The following LONP2 variants were observed in gnomAD, a reference collection of about 807,000 sequenced individuals.
LONP2 encodes the protein lon peptidase 2, peroxisomal.
LONP2 carries 60 observed loss-of-function variants against 85.6 expected under a neutral mutation model. The ratio of observed to expected loss-of-function variants is 0.70; its 90% confidence interval spans 0.57 to 0.87. The LOEUF (loss-of-function observed/expected upper bound fraction) is 0.87, where lower values mean the gene tolerates loss of function less well. Ranked by LOEUF, LONP2 falls within the 40% of genes least tolerant of loss-of-function variation. The pLI is 0.00. For missense variants in LONP2, 860 were observed against 1,063.5 expected (o/e 0.81, Z 2.66); for synonymous variants, 395 against 389.7 (o/e 1.01, Z -0.16).
intron 13 of LONP2, 68 bp from the exon 14 acceptor site, chr16:48,348,030 CTT>C: frequency 7.4e-7 from 1 of 1,359,322 alleles, no homozygotes; most frequent in Non-Finnish European, 1.0e-6. Context: ...TTGTTTGTGA[CTT>C]TTTTTTTAGG....
At position 48,303,315 on chromosome 16, in the gene LONP2, C is replaced by T. The variant is rs1596965920; in HGVS notation, c.1795+10C>T. 13 of 1,610,698 alleles carry T rather than the reference C, an allele frequency of 8.1e-6. No homozygotes were observed. The highest frequency in any genetic ancestry group is 1.0e-5 in the Non-Finnish European group (12 of 1,177,184). ...GTGACTGAGAGAGAAGGTTGGTGACCTTGTTCTGGCATTCTCAGGCCTGGT... is the reference window on the plus strand; with the variant it reads ...GTGACTGAGAGAGAAGGTTGGTGACTTTGTTCTGGCATTCTCAGGCCTGGT... On this transcript the variant is annotated intron_variant, in intron 11 of 14. Transcript: ENST00000285737.
downstream of LONP2, chr16:48,360,723 G>T (rs1960549987): frequency 6.6e-6 from 1 of 152,470 alleles, no homozygotes. Context: ...ATCTGAAAAA[G>T]GAAACAAAAG....
At chr16:48,346,221 G>T (rs753483728) in intron 12 of LONP2, among the ~76,000 whole-genome samples, 17 of 152,002 alleles carry the variant, frequency 1.1e-4, no homozygotes, top group African/African-American at 3.9e-4. Context: ...TTAGTGAGAC[G>T]GTCAACTCTC....
chr16:48,285,970 C>A (rs755048273), intron 8 of LONP2, among the ~76,000 whole-genome samples: 1 of 152,114 alleles, frequency 6.6e-6, no homozygotes, highest in Admixed American at 6.5e-5. Context: ...CAGTCCCTGG[C>A]AGCTACCATT....
At chr16:48,315,984 T>A (rs34372140) in intron 11 of LONP2, among the ~76,000 whole-genome samples, 2 of 146,702 alleles carry the variant, frequency 1.4e-5, no homozygotes, top group Admixed American at 6.7e-5. Context: ...TTTTTTTTTT[T>A]ACTTTTAGAA....
At position 48,255,981 on chromosome 16, in the gene LONP2, CTGAT is replaced by C. The variant is rs574001536; in HGVS notation, c.469-626_469-623del. On this transcript the variant is annotated intron_variant, in intron 2 of 14. Transcript: ENST00000285737. ...ATACTAAATATTAATATTTCATCCT[CTGAT>C]TGGCCGTGATAATAGCATCAACTAT... is the stretch of plus-strand genomic sequence containing the variant. 8.3e-3 allele frequency among the ~76,000 whole-genome samples: 1,267 copies of C among 152,282 alleles called. 8 individuals carry two copies. The highest frequency in any genetic ancestry group is 0.011 in the Non-Finnish European group (748 of 68,010).
chr16:48,268,748 A>C (rs9928988), intron 6 of LONP2, among the ~76,000 whole-genome samples: 3 of 152,058 alleles, frequency 2.0e-5, no homozygotes, highest in Non-Finnish European at 4.4e-5. Flanking sequence ...CTCCTACTTC[A>C]CTCACCTAGG....
intron 10 of LONP2, 32 bp downstream of exon 10, chr16:48,299,820 C>T (rs769902854): frequency 3.1e-6 from 5 of 1,594,692 alleles, no homozygotes; most frequent in East Asian, 4.5e-5. Flanking sequence ...TTCATTAACT[C>T]CAGGCAACTT....
intron 11 of LONP2, among the ~76,000 whole-genome samples, chr16:48,308,666 A>G (rs1190029893): frequency 6.6e-6 from 1 of 151,844 alleles, no homozygotes; most frequent in East Asian, 1.9e-4. Context: ...AGATAGATTA[A>G]AGACTTAAAT....
Position 48,352,804 on chromosome 16 carries a change from A to G in LONP2, c.*1002A>G, listed in dbSNP as rs1317269219. On this transcript the variant is annotated 3_prime_UTR_variant, in exon 15 of 15. Coordinates refer to ENST00000285737, the MANE Select transcript of LONP2 (RefSeq NM_031490.5). ...TGGCCCTGGATGCCTGCAACCTCAGAAGAGTGCAGCTCCCAGAGGGAGGCA... is the reference window on the plus strand; with the variant it reads ...TGGCCCTGGATGCCTGCAACCTCAGGAGAGTGCAGCTCCCAGAGGGAGGCA... 2 of 152,258 alleles carry G rather than the reference A, an allele frequency of 1.3e-5. No individual in the cohort carries two copies. Among genetic ancestry groups the G allele is most frequent in the African/African-American group, 4.8e-5 (2 of 41,442 alleles). 9.4% of individuals were successfully genotyped at this position (152,258 alleles called of 1,614,324 possible). A position where few individuals can be genotyped will look rare whatever the true frequency, so the allele number is the denominator to read the frequency against.
At chr16:48,340,372 CTACCA>C (rs1959777017) in intron 12 of LONP2, among the ~76,000 whole-genome samples, 1 of 152,204 alleles carries the variant, frequency 6.6e-6, no homozygotes, top group Non-Finnish European at 1.5e-5. Context: ...ATTTCTGCAA[CTACCA>C]TACTCCCTAA....
At chr16:48,266,549 A>G (rs999029143) in intron 6 of LONP2, among the ~76,000 whole-genome samples, 4 of 152,008 alleles carry the variant, frequency 2.6e-5, no homozygotes, top group African/African-American at 9.7e-5. Context: ...CTAATCCCCA[A>G]GCAACCACTA....
chr16:48,276,337 C>T (rs1972207238), intron 7 of LONP2, among the ~76,000 whole-genome samples: 1 of 152,172 alleles, frequency 6.6e-6, no homozygotes, highest in African/African-American at 2.4e-5. Flanking sequence ...GAAATCAGGC[C>T]TGCTCTGTGA....
At chr16:48,314,580 T>C (rs1973102603) in intron 11 of LONP2, among the ~76,000 whole-genome samples, 2 of 152,176 alleles carry the variant, frequency 1.3e-5, no homozygotes, top group Admixed American at 6.5e-5. Flanking sequence ...CCTTTCTTCA[T>C]TGGTTACTAG....
At chr16:48,328,575 G>A (rs1437844934) in intron 11 of LONP2, among the ~76,000 whole-genome samples, 1 of 151,904 alleles carries the variant, frequency 6.6e-6, no homozygotes, top group African/African-American at 2.4e-5. Context: ...CTTCTCAGGA[G>A]GCTGAGGCAG....
chr16:48,302,181 T>G (rs1972820525), intron 10 of LONP2, among the ~76,000 whole-genome samples: 1 of 152,244 alleles, frequency 6.6e-6, no homozygotes, highest in Admixed American at 6.5e-5. Flanking sequence ...TAAAGCTGAA[T>G]TTTTTAAAGC....
intron 11 of LONP2, among the ~76,000 whole-genome samples, chr16:48,327,329 C>A (rs556726514): frequency 6.6e-6 from 1 of 152,124 alleles, no homozygotes; most frequent in African/African-American, 2.4e-5. Context: ...ATTTTCAGAC[C>A]GATTTTATTT....
chr16:48,302,999 A>G (rs1304901639), intron 10 of LONP2, among the ~76,000 whole-genome samples, 173 bp from the exon 11 acceptor site: 3 of 152,238 alleles, frequency 2.0e-5, no homozygotes, highest in African/African-American at 7.2e-5. Context: ...AATAGATCAA[A>G]GTATTGAAGA....
At chr16:48,294,175 A>G (rs1305529739) in intron 8 of LONP2, among the ~76,000 whole-genome samples, 2 of 152,054 alleles carry the variant, frequency 1.3e-5, no homozygotes, top group African/African-American at 4.8e-5. Flanking sequence ...ACCTGACCTC[A>G]ACTGATCTGC....
Sources: gnomAD v4.1 joint callset for allele counts (sites outside exome capture counted in the v4.1 genomes callset) on GRCh38, gnomAD v4.1.1 for gene constraint, MANE v1.5 for transcripts, NCBI Gene and HGNC (gene_info 2026-07-23, HGNC 2026-07-21) for gene names.